The following ANKRD13A variants were observed in gnomAD, a reference collection of about 807,000 sequenced individuals.
ANKRD13A encodes ankyrin repeat domain 13A.
Under a neutral mutation model 81.3 loss-of-function variants are expected in ANKRD13A, and 48 were observed. The observed-to-expected ratio is 0.59, with a 90% CI of 0.47 to 0.75. The LOEUF is 0.75. Ranked by LOEUF, ANKRD13A falls within the 30% of genes least tolerant of loss-of-function variation. ANKRD13A has a pLI of 0.00. For missense variants in ANKRD13A, 612 were observed against 734.0 expected, an observed-to-expected ratio of 0.83 and a Z score of 1.92; for synonymous variants, 230 against 270.1, an observed-to-expected ratio of 0.85 and a Z score of 1.45.
intron 8 of ANKRD13A, among the ~76,000 whole-genome samples, chr12:110,026,055 G>A (rs1221227911): frequency 6.6e-6 from 1 of 151,232 alleles, no homozygotes; most frequent in Non-Finnish European, 1.5e-5. Context: ...TCTGCCTCCT[G>A]GGTTCAAGTG....
rs377683122 is a variant in ANKRD13A, at chr12:110,000,347, A to G, written c.96+563A>G. ...GGGGCAGAACCCAACACTTGACTCTATTGATAGGTCTGGGGTGAGGTCCAG... is the reference window on the plus strand; with the variant it reads ...GGGGCAGAACCCAACACTTGACTCTGTTGATAGGTCTGGGGTGAGGTCCAG... On this transcript the variant is annotated intron_variant, in intron 1 of 14. Transcript: ENST00000261739. 2.1e-4 allele frequency among the ~76,000 whole-genome samples: 32 copies of G among 152,294 alleles called. No individual in the cohort carries two copies. In the East Asian group the frequency reaches 2.9e-3, roughly 14 times the overall value.
intron 9 of ANKRD13A, 169 bp from the exon 10 acceptor site, chr12:110,028,343 A>T: frequency 1.7e-6 from 1 of 592,574 alleles, no homozygotes; most frequent in Non-Finnish European, 2.9e-6. Context: ...CTTCCTGTGT[A>T]GTTTGGTGAT....
chr12:110,016,295 A>C, intron 3 of ANKRD13A, 93 bp from the exon 4 acceptor site: 1 of 908,032 alleles, frequency 1.1e-6, no homozygotes, highest in Non-Finnish European at 1.6e-6. Context: ...TTTTTTTTTT[A>C]ACCCAGGGTT....
chr12:110,032,292 G>A (rs1405301058), intron 12 of ANKRD13A: 2 of 152,174 alleles, frequency 1.3e-5, no homozygotes, highest in African/African-American at 4.8e-5. Flanking sequence ...TTTGTGAGAT[G>A]TGTTTTCTGC....
rs1297536885 is a variant in ANKRD13A at position 110,038,931 on chromosome 12, A to G, written c.*1377A>G. The G allele has an allele frequency of 6.6e-6, 1 of 152,132 alleles. No individual in the cohort carries two copies. The highest frequency in any genetic ancestry group is 2.4e-5 in the African/African-American group (1 of 41,408). The allele number at this position is 152,132 out of a possible 1,614,324, so 9.4% of individuals were successfully genotyped here. A position where few individuals can be genotyped will look rare whatever the true frequency, so the allele number is the denominator to read the frequency against. On this transcript the variant is annotated 3_prime_UTR_variant, in exon 15 of 15. Coordinates refer to ENST00000261739, the MANE Select transcript of ANKRD13A (RefSeq NM_033121.2). ...CCTCCATTTTGCGTCTATTTCTTCT[A>G]TTGTGCTTCTTTGGGGATAGGAAGA...
In ANKRD13A at chr12:110,013,267, G is replaced by A. The variant is rs771282112; in HGVS notation, c.354+18G>A. On this transcript the variant is annotated intron_variant, in intron 3 of 14. Coordinates refer to ENST00000261739, the MANE Select transcript of ANKRD13A (RefSeq NM_033121.2). Reference sequence around the variant, plus strand: ...TTCTCGAGGTATCCATGAAAATGTGGCCAGGCCATAATCTGAGCTAAATGC... The same window carrying A: ...TTCTCGAGGTATCCATGAAAATGTGACCAGGCCATAATCTGAGCTAAATGC... The A allele has an allele frequency of 1.1e-5, 18 of 1,613,610 alleles. No homozygotes were observed. Among genetic ancestry groups the A allele is most frequent in the Non-Finnish European group, 1.4e-5 (17 of 1,179,832 alleles).
intron 13 of ANKRD13A, among the ~76,000 whole-genome samples, chr12:110,035,610 CA>C (rs778713322): frequency 3.3e-5 from 5 of 152,018 alleles, no homozygotes; most frequent in Non-Finnish European, 7.4e-5. Flanking sequence ...CCACCAGACC[CA>C]GCTAGTTTTT....
rs1891638074 is a variant in ANKRD13A at position 110,030,775 on chromosome 12, A to G, written c.1348+17A>G. The G allele has an allele frequency of 6.6e-7, 1 of 1,520,184 alleles. No homozygotes were observed. The highest frequency in any genetic ancestry group is 8.9e-7 in the Non-Finnish European group (1 of 1,120,370). The allele number at this position is 1,520,184 out of a possible 1,614,324, so 94.2% of individuals were successfully genotyped here. A position where few individuals can be genotyped will look rare whatever the true frequency, so the allele number is the denominator to read the frequency against. On this transcript the variant is annotated intron_variant, in intron 12 of 14. Coordinates refer to ENST00000261739, the MANE Select transcript of ANKRD13A (RefSeq NM_033121.2). ...CTGATTCAGGTAAAAAAATAAATAA[A>G]TACAAAGTTTAGTTTTGTTATTTAA... is the stretch of plus-strand genomic sequence containing the variant.
chr12:110,025,894 C>T, intron 8 of ANKRD13A, 71 bp downstream of exon 8: 1 of 1,360,360 alleles, frequency 7.4e-7, no homozygotes, highest in Non-Finnish European at 1.0e-6. Context: ...TCTTTGTTGG[C>T]TCTGTTAAGT....
chr12:110,001,543 G>A (rs888170372), intron 1 of ANKRD13A, among the ~76,000 whole-genome samples: 2 of 151,218 alleles, frequency 1.3e-5, no homozygotes, highest in Non-Finnish European at 2.9e-5. Context: ...GGGTTCCAGC[G>A]ATTCTCCTGC....
chr12:110,021,425 C>CTTT (rs59262099), intron 6 of ANKRD13A: 20 of 130,166 alleles, frequency 1.5e-4, no homozygotes, highest in South Asian at 7.7e-4. Context: ...TTTTTTCTTT[C>CTTT]TTTTTTTTTT....
intron 13 of ANKRD13A, among the ~76,000 whole-genome samples, chr12:110,035,783 G>A (rs903647332): frequency 6.6e-6 from 1 of 152,052 alleles, no homozygotes; most frequent in African/African-American, 2.4e-5. Context: ...AAGTATGGTG[G>A]TGTGCACCTG....
In ANKRD13A at chr12:110,014,908, C is replaced by T. The variant is rs1201053961; in HGVS notation, c.355-1480C>T. Reference sequence around the variant, plus strand: ...ACGCCATTCTCCTGCCTCAGCCTCCCGAGTAGCTGGGACTACAGGCGCCCA... The same window carrying T: ...ACGCCATTCTCCTGCCTCAGCCTCCTGAGTAGCTGGGACTACAGGCGCCCA... On this transcript the variant is annotated intron_variant, in intron 3 of 14. Coordinates refer to ENST00000261739, the MANE Select transcript of ANKRD13A (RefSeq NM_033121.2). Among the ~76,000 whole-genome samples the T allele has an allele frequency of 2.6e-5, 4 of 151,838 alleles. No individual in the cohort carries two copies. The East Asian group carries it at 7.7e-4, about 29-fold the overall frequency.
At chr12:110,027,393 T>G in intron 8 of ANKRD13A, 1 of 307,578 alleles carries the variant, frequency 3.3e-6, no homozygotes, top group South Asian at 3.8e-5. Flanking sequence ...ATGAGGGAAC[T>G]GAGGCCCAGA....
intron 3 of ANKRD13A, 140 bp from the exon 4 acceptor site, chr12:110,016,248 A>C: frequency 1.7e-6 from 1 of 579,268 alleles, no homozygotes; most frequent in Non-Finnish European, 2.7e-6. Flanking sequence ...TCACCCGGCT[A>C]GGGGCTTACA....
In ANKRD13A at chr12:110,037,783, G is replaced by A. The variant is rs537671840; in HGVS notation, c.*229G>A. On this transcript the variant is annotated 3_prime_UTR_variant, in exon 15 of 15. Coordinates refer to ENST00000261739, the MANE Select transcript of ANKRD13A (RefSeq NM_033121.2). ...TGCAGGCCCCATCTCCAGGCTAAGG[G>A]GAGGAGAGCATCATCACTTTCCATT... 3 of 428,718 alleles carry A rather than the reference G, an allele frequency of 7.0e-6. No individual in the cohort carries two copies. Among genetic ancestry groups the A allele is most frequent in the African/African-American group, 4.0e-5 (2 of 50,214 alleles). 26.6% of individuals were successfully genotyped at this position (428,718 alleles called of 1,614,324 possible).
intron 3 of ANKRD13A, among the ~76,000 whole-genome samples, chr12:110,014,023 C>T (rs1890658151): frequency 1.3e-5 from 2 of 152,140 alleles, no homozygotes; most frequent in South Asian, 2.1e-4. Context: ...CTTGTCACTT[C>T]AGCTATTAGT....
In ANKRD13A at chr12:110,036,400, G is replaced by A; in HGVS notation, c.1577+72G>A. On this transcript the variant is annotated intron_variant, in intron 14 of 14. Transcript: ENST00000261739. This position sits in a 1 kb window ranked among gnomAD's most constrained non-coding sequence, Gnocchi z 4.6. ...CTGGACACAGGCGAGCAGACGCGTGGCACTGTGCATTTGGTCCTCAGGCAG... is the reference window on the plus strand; with the variant it reads ...CTGGACACAGGCGAGCAGACGCGTGACACTGTGCATTTGGTCCTCAGGCAG... 18 of 1,481,504 alleles carry A rather than the reference G, an allele frequency of 1.2e-5. No individual in the cohort carries two copies. Among genetic ancestry groups the A allele is most frequent in the Non-Finnish European group, 1.7e-5 (18 of 1,060,406 alleles). 91.8% of individuals were successfully genotyped at this position (1,481,504 alleles called of 1,614,324 possible).
intron 8 of ANKRD13A, among the ~76,000 whole-genome samples, chr12:110,026,811 G>C (rs890566895): frequency 6.6e-6 from 1 of 152,130 alleles, no homozygotes; most frequent in African/African-American, 2.4e-5. Flanking sequence ...GAACCCCAGA[G>C]GTGGAGGTTG....
Sources: gnomAD v4.1 joint callset for allele counts (sites outside exome capture counted in the v4.1 genomes callset) on GRCh38, gnomAD v4.1.1 for gene constraint, Gnocchi (gnomAD v3.1) non-coding constraint, MANE v1.5 for transcripts, NCBI Gene and HGNC (gene_info 2026-07-23, HGNC 2026-07-21) for gene names.